SDS: variants seen among roughly 807,000 people sequenced by gnomAD.
SDS encodes the protein L-serine dehydratase/L-threonine deaminase.
A neutral mutation model predicts 29.3 loss-of-function variants in SDS; 19 were observed. The ratio of observed to expected loss-of-function variants is 0.65; its 90% CI spans 0.45 to 0.95. The LOEUF is 0.95. Among genes scored for constraint, SDS ranks in the 40% least tolerant of loss-of-function variants. SDS has a pLI of 0.00. For synonymous variants in SDS, 176 were observed against 189.0 expected (o/e 0.93, Z 0.56); for missense variants, 375 against 439.9 (o/e 0.85, Z 1.32).
At chr12:113,402,016 G>A (rs905013265) in intron 1 of SDS, among the ~76,000 whole-genome samples, 3 of 152,038 alleles carry the variant, frequency 2.0e-5, no homozygotes, top group African/African-American at 4.8e-5. Flanking sequence ...TCCATCCCCC[G>A]CTCCCAGAAT....
At chr12:113,400,224 C>T (rs535714292) in intron 1 of SDS, among the ~76,000 whole-genome samples, 3 of 151,212 alleles carry the variant, frequency 2.0e-5, no homozygotes, top group Non-Finnish European at 4.4e-5. Flanking sequence ...ACCCAGGAGG[C>T]GGAGGTTGCA....
rs146154098 is a variant in SDS, at chr12:113,392,559, G to A, written c.*382C>T. On this transcript the variant is annotated 3_prime_UTR_variant, in exon 8 of 8. Coordinates refer to ENST00000257549, the MANE Select transcript of SDS (RefSeq NM_006843.3). ...TGGCTGAGATGGTTCCTCAACCCTG[G>A]TTGGTGGCCCTGTTGACCTTCACTG... The A allele has an allele frequency of 1.2e-4, 29 of 237,652 alleles. No homozygotes were observed. The East Asian group carries it at 4.3e-3, about 35-fold the overall frequency. The allele number at this position is 237,652 out of a possible 1,614,324, so 14.7% of individuals were successfully genotyped here.
chr12:113,401,377 TCATTC>T lies in SDS; in HGVS notation c.-2-1672_-2-1668del, dbSNP rs201798096. On this transcript the variant is annotated intron_variant, in intron 1 of 7. Transcript: ENST00000257549. ...ACTAATCACAGCTTTTAAATTTTAT[TCATTC>T]ATTCATTCATTCATTCATTCATTCA... Among the ~76,000 whole-genome samples the T allele has an allele frequency of 8.2e-3, 1,203 of 146,970 alleles. 7 individuals carry two copies. The highest frequency in any genetic ancestry group is 0.02 in the South Asian group (93 of 4,576).
In SDS at chr12:113,398,439, G is replaced by GGT; in HGVS notation, c.425+75_425+76insAC. 5 of 890,418 alleles carry GGT rather than the reference G, an allele frequency of 5.6e-6. No individual in the cohort carries two copies. In the Admixed American group the frequency reaches 6.7e-5, roughly 12 times the overall value. 55.2% of individuals were successfully genotyped at this position (890,418 alleles called of 1,614,324 possible). ...GCTGTGCATGAGGACGTGATGATGT[G>GGT]CATCATAGCAATGCCTGCCCAGTGA... is the stretch of plus-strand genomic sequence containing the variant. On this transcript the variant is annotated intron_variant, in intron 5 of 7. Transcript: ENST00000257549.
chr12:113,397,350 C>T lies in SDS; in HGVS notation c.468G>A (p.Leu156=), dbSNP rs545130942. ...GCGCGATGGCCCCCGGCTTTTCCCACAGTGTCTCCTTCAGCTCTTTCACGA... is the reference window on the plus strand; with the variant it reads ...GCGCGATGGCCCCCGGCTTTTCCCATAGTGTCTCCTTCAGCTCTTTCACGA... ...ASIVKELKET[L]WEKPGAIALS... Residue 156 remains leucine, a synonymous_variant, in exon 6 of 8, where the codon CTG becomes CTA. Transcript: ENST00000257549. 6.2e-7 allele frequency: 1 copy of T among 1,613,486 alleles called. No homozygotes were observed. Among genetic ancestry groups the T allele is most frequent in the Admixed American group, 1.7e-5 (1 of 60,014 alleles).
At chr12:113,395,000 C>T (rs1957636242) in intron 6 of SDS, among the ~76,000 whole-genome samples, 1 of 152,198 alleles carries the variant, frequency 6.6e-6, no homozygotes, top group Non-Finnish European at 1.5e-5. Context: ...GTGCCAAGCA[C>T]TTCACAAGCA....
rs770421712 is a variant in SDS, at chr12:113,399,641, G to A, written c.68C>T (p.Ala23Val). ...IRDSMALSKM[A>V]GTSVYLKMDS... ...CATCTTGAGGTAGACGCTGGTGCCG[G>A]CCATTTTGGACAGGGCCATGCTGTC... Residue 23 changes from alanine (A) to valine (V), a missense_variant, in exon 2 of 8, where the codon GCC (alanine) becomes GTC (valine). By Grantham distance (64) the Ala-to-Val change is moderately conservative. Coordinates refer to ENST00000257549, the MANE Select transcript of SDS (RefSeq NM_006843.3). 2.1e-5 allele frequency: 33 copies of A among 1,599,914 alleles called. No homozygotes were observed. The highest frequency in any genetic ancestry group is 2.6e-5 in the Non-Finnish European group (31 of 1,175,032).
chr12:113,393,281 AACC>A (rs528989195), intron 7 of SDS, 132 bp from the exon 8 acceptor site: 177 of 870,806 alleles, frequency 2.0e-4, no homozygotes, highest in Non-Finnish European at 2.8e-4. Context: ...GCAGGTCCTG[AACC>A]AAACGTCCCG....
At chr12:113,394,119 A>T in intron 6 of SDS, 103 bp from the exon 7 acceptor site, 2 of 1,119,188 alleles carry the variant, frequency 1.8e-6, no homozygotes, top group South Asian at 1.4e-5. Flanking sequence ...AGAGAAGGCA[A>T]TGCATCTGGG....
At chr12:113,402,588 G>C (rs570319451) in intron 1 of SDS, among the ~76,000 whole-genome samples, 1 of 152,148 alleles carries the variant, frequency 6.6e-6, no homozygotes, top group Non-Finnish European at 1.5e-5. Flanking sequence ...CCACCACACC[G>C]ACTGACTTGA....
chr12:113,398,754 T>C lies in SDS; in HGVS notation c.286A>G (p.Ile96Val). 1.2e-6 allele frequency: 2 copies of C among 1,614,122 alleles called. No individual in the cohort carries two copies. The highest frequency in any genetic ancestry group is 1.7e-6 in the Non-Finnish European group (2 of 1,180,000). Residue 96 changes from isoleucine (I) to valine (V), a missense_variant, in exon 4 of 8, where the codon ATT (isoleucine) becomes GTT (valine). Ile to Val is a conservative substitution (Grantham distance 29). Coordinates refer to ENST00000257549, the MANE Select transcript of SDS (RefSeq NM_006843.3). ...VVPSTTPALT[I>V]ERLKNEGATV... The stretch of plus-strand genomic sequence containing the variant: ...GCACCTTCATTCTTGAGGCGCTCAA[T>C]GGTGAGAGCAGGTGTGGTGCTGGGC...
rs772715165 is a variant in SDS at position 113,397,247 on chromosome 12, T to C, written c.571A>G (p.Ile191Val). Residue 191 changes from isoleucine to valine, a missense_variant, in exon 6 of 8, where the codon ATC becomes GTC. Physicochemically the swap from Ile to Val is conservative, Grantham distance 29 (BLOSUM62 3). Coordinates refer to ENST00000257549, the MANE Select transcript of SDS (RefSeq NM_006843.3). ...TGGGCACCAAAAGTCTCCATGGCGA[T>C]GACAGGCACGTCCCCCCAGCCCACC... is the stretch of plus-strand genomic sequence containing the variant. ...QEVGWGDVPVIAMETFGAHSF... is the reference protein window; with the variant it reads ...QEVGWGDVPVVAMETFGAHSF... 9.3e-6 allele frequency: 15 copies of C among 1,614,206 alleles called. No homozygotes were observed. Among genetic ancestry groups the C allele is most frequent in the South Asian group, 8.8e-5 (8 of 91,082 alleles).
intron 7 of SDS, 135 bp from the exon 8 acceptor site, chr12:113,393,284 C>CA (rs1957623020): frequency 1.2e-6 from 1 of 852,440 alleles, no homozygotes. Context: ...GGTCCTGAAC[C>CA]AAACGTCCCG....
intron 1 of SDS, among the ~76,000 whole-genome samples, chr12:113,401,230 T>C (rs1957682940): frequency 6.6e-6 from 1 of 152,108 alleles, no homozygotes; most frequent in Admixed American, 6.6e-5. Context: ...TGACTCATAG[T>C]AGATGTTCAA....
In SDS at chr12:113,398,835, C is replaced by T. The variant is rs1232014554; in HGVS notation, c.205G>A (p.Gly69Ser). 1.2e-6 allele frequency: 2 copies of T among 1,606,218 alleles called. No homozygotes were observed. Among genetic ancestry groups the T allele is most frequent in the South Asian group, 2.2e-5 (2 of 90,168 alleles). ...HFVCSSAGNA[G>S]MAAAYAARQL... is the part of the protein sequence containing the mutation. ...CTGGCCGCATATGCAGCCGCCATGC[C>T]TGCGTTGCCCGCTGCCAGGGTCGGG... Residue 69 changes from glycine (G) to serine (S), a missense_variant, in exon 4 of 8, where the codon GGC (glycine) becomes AGC (serine). Gly to Ser is a moderately conservative substitution (Grantham distance 56). Transcript: ENST00000257549.
Position 113,393,889 on chromosome 12 carries a change from T to C in SDS, c.778+3A>G. On this transcript the variant is annotated splice_donor_region_variant and intron_variant, in intron 7 of 7. Coordinates refer to ENST00000257549, the MANE Select transcript of SDS (RefSeq NM_006843.3). ...TCAGGTCATGGGAGGACCTGGCACA[T>C]ACCCACGAACTTCTCAATGGCGGCC... 6.2e-7 allele frequency: 1 copy of C among 1,614,140 alleles called. No homozygotes were observed. The highest frequency in any genetic ancestry group is 8.5e-7 in the Non-Finnish European group (1 of 1,180,020).
At position 113,399,170 on chromosome 12, in the gene SDS, A is replaced by T; in HGVS notation, c.154-19T>A. On this transcript the variant is annotated intron_variant, in intron 2 of 7. Transcript: ENST00000257549. ...TGGCCCACTGTGGAGACAACAGGAGAGGCACTCAGGCCCACCTCCCAGTCA... is the reference window on the plus strand; with the variant it reads ...TGGCCCACTGTGGAGACAACAGGAGTGGCACTCAGGCCCACCTCCCAGTCA... 1 of 1,613,360 alleles carries T rather than the reference A, an allele frequency of 6.2e-7. No homozygotes were observed. The highest frequency in any genetic ancestry group is 8.5e-7 in the Non-Finnish European group (1 of 1,179,674).
intron 6 of SDS, among the ~76,000 whole-genome samples, chr12:113,394,863 G>A (rs1442682307): frequency 6.6e-6 from 1 of 152,132 alleles, no homozygotes; most frequent in Non-Finnish European, 1.5e-5. Context: ...CAAGGCTCAG[G>A]ATTAAGGCCA....
intron 6 of SDS, among the ~76,000 whole-genome samples, chr12:113,394,802 C>A (rs2136932621): frequency 6.6e-6 from 1 of 152,246 alleles, no homozygotes. Context: ...ACCTGGTTAA[C>A]CCTCATGAAG....
Sources: allele counts gnomAD v4.1 joint callset (sites outside exome capture counted in the v4.1 genomes callset), GRCh38; gene constraint gnomAD v4.1.1; transcripts MANE v1.5; gene names NCBI Gene and HGNC (gene_info 2026-07-23, HGNC 2026-07-21).